Variants in PREX1 observed in about 807,000 individuals in gnomAD.
PREX1 encodes the protein phosphatidylinositol-3,4,5-trisphosphate dependent Rac exchange factor 1.
In PREX1, 41 loss-of-function variants were observed where a neutral mutation model predicts 198.3. That is an observed-to-expected ratio of 0.21 (90% CI 0.16 to 0.27). The LOEUF (loss-of-function observed/expected upper bound fraction) is 0.27, where lower values mean the gene tolerates loss of function less well. Ranked by LOEUF, PREX1 falls within the 10% of genes least tolerant of loss-of-function variation. The pLI is 1.00. For synonymous variants in PREX1, 843 were observed against 887.2 expected, an observed-to-expected ratio of 0.95 and a Z score of 0.89; for missense variants, 1,620 against 2,200.7, an observed-to-expected ratio of 0.74 and a Z score of 5.28.
At position 48,649,492 on chromosome 20, in the gene PREX1, C is replaced by A; in HGVS notation, c.3113G>T (p.Gly1038Val). 1.2e-6 allele frequency: 2 copies of A among 1,614,076 alleles called. No homozygotes were observed. The highest frequency in any genetic ancestry group is 2.2e-5 in the East Asian group (1 of 44,876). Residue 1038 changes from glycine to valine, a missense_variant, in exon 25 of 40, where the codon GGT (glycine) becomes GTT (valine). Gly to Val is a moderately radical substitution (Grantham distance 109). Coordinates refer to ENST00000371941, the MANE Select transcript of PREX1 (RefSeq NM_020820.4). ...ATGGAGACCCTGGCCTTGGGGATCA[C>A]CCTCTGCAGCAGGCAAGCACTTCCA... ...PSWKCLPAAE[G>V]DPQGQGLHDG... is the part of the protein sequence containing the mutation.
chr20:48,822,063 T>C (rs772473468), intron 1 of PREX1: 2 of 152,164 alleles, frequency 1.3e-5, no homozygotes, highest in Non-Finnish European at 2.9e-5. Flanking sequence ...CATATCTTCA[T>C]GGTTTTATCT....
At chr20:48,808,702 T>C (rs2090422455) in intron 1 of PREX1, among the ~76,000 whole-genome samples, 1 of 152,226 alleles carries the variant, frequency 6.6e-6, no homozygotes, top group Non-Finnish European at 1.5e-5. Context: ...CTCAAGGCCC[T>C]GTGCAATCTG....
intron 3 of PREX1, among the ~76,000 whole-genome samples, chr20:48,735,904 C>A (rs2090055297): frequency 6.6e-6 from 1 of 152,074 alleles, no homozygotes; most frequent in Non-Finnish European, 1.5e-5. Context: ...TTTCAAGCCA[C>A]AAATCTAGAC....
intron 23 of PREX1, 90 bp downstream of exon 23, chr20:48,650,804 T>A: frequency 6.7e-7 from 1 of 1,487,798 alleles, no homozygotes; most frequent in Non-Finnish European, 9.2e-7. Context: ...TGAGTTGGGT[T>A]GGGCTTTGTA....
intron 1 of PREX1, among the ~76,000 whole-genome samples, chr20:48,803,720 T>G (rs2090397786): frequency 7.2e-6 from 1 of 138,116 alleles, no homozygotes; most frequent in Admixed American, 7.1e-5. Context: ...AGCCGGCACC[T>G]CACCCCATCT....
intron 9 of PREX1, among the ~76,000 whole-genome samples, chr20:48,689,671 A>G (rs2089806663): frequency 6.6e-6 from 1 of 152,228 alleles, no homozygotes; most frequent in Non-Finnish European, 1.5e-5. Context: ...TCCTGACCAC[A>G]TACTCAGCCC....
At chr20:48,775,119 T>C (rs570486210) in intron 1 of PREX1, among the ~76,000 whole-genome samples, 9 of 152,290 alleles carry the variant, frequency 5.9e-5, no homozygotes, top group Non-Finnish European at 1.2e-4. Context: ...CAGGCACTCA[T>C]TGGTTCTCTC....
the PREX1 span, among the ~76,000 whole-genome samples, chr20:48,860,810 G>A: frequency 6.6e-6 from 1 of 150,958 alleles, no homozygotes; most frequent in South Asian, 2.1e-4. Context: ...ACTCTGGCTG[G>A]GCGACAAAGT....
chr20:48,883,699 C>G, the PREX1 span, among the ~76,000 whole-genome samples: 2 of 152,040 alleles, frequency 1.3e-5, no homozygotes, highest in East Asian at 3.8e-4. Context: ...AAAACTTATG[C>G]TGTGAAGACT....
intron 1 of PREX1, among the ~76,000 whole-genome samples, chr20:48,826,802 T>G (rs1025001567): frequency 1.3e-5 from 2 of 152,086 alleles, no homozygotes; most frequent in Non-Finnish European, 2.9e-5. Context: ...GAGGTTGCAG[T>G]GAACCGAGAT....
At chr20:48,698,191 T>TCAGGGTGCCCACAAGGAAGGCCC (rs2089856480) in intron 7 of PREX1, among the ~76,000 whole-genome samples, 1 of 152,080 alleles carries the variant, frequency 6.6e-6, no homozygotes, top group African/African-American at 2.4e-5. Context: ...TTGAAAGAGC[T>TCAGGGTGCCCACAAGGAAGGCCC]CAGGGTGCCC....
chr20:48,661,911 G>A (rs2122947205), intron 15 of PREX1, among the ~76,000 whole-genome samples: 2 of 152,270 alleles, frequency 1.3e-5, no homozygotes, highest in South Asian at 4.1e-4. Flanking sequence ...GTGGACAAAG[G>A]TGGAAATCAA....
chr20:48,641,987 C>T lies in PREX1; in HGVS notation c.3775+181G>A, dbSNP rs927078265. 5.2e-6 allele frequency: 3 copies of T among 582,384 alleles called. No homozygotes were observed. The Admixed American group carries it at 9.2e-5, about 18-fold the overall frequency. 36.1% of individuals were successfully genotyped at this position (582,384 alleles called of 1,614,324 possible). ...GAAAAAGAAAAAGAACCATTCTTGG[C>T]TCAGAGCCTACAAAAACAGGTCATG... On this transcript the variant is annotated intron_variant, in intron 29 of 39. Coordinates refer to ENST00000371941, the MANE Select transcript of PREX1 (RefSeq NM_020820.4).
chr20:48,861,374 G>A, the PREX1 span, among the ~76,000 whole-genome samples: 3 of 152,280 alleles, frequency 2.0e-5, no homozygotes, highest in South Asian at 2.1e-4. Context: ...TGTCTTGTTC[G>A]GCCATCACAA....
intron 7 of PREX1, among the ~76,000 whole-genome samples, chr20:48,694,154 C>T (rs2089833820): frequency 5.3e-5 from 8 of 152,008 alleles, no homozygotes; most frequent in Admixed American, 5.2e-4. Context: ...TCAAGTTATC[C>T]ACCCCCCTCG....
intron 3 of PREX1, among the ~76,000 whole-genome samples, chr20:48,738,724 G>A (rs1303685181): frequency 1.3e-5 from 2 of 152,092 alleles, no homozygotes; most frequent in African/African-American, 4.8e-5. Flanking sequence ...AGCCAGGGGA[G>A]GGGAGCTCAC....
chr20:48,661,487 TATA>T (rs2089594827), intron 15 of PREX1, among the ~76,000 whole-genome samples: 1 of 107,210 alleles, frequency 9.3e-6, no homozygotes, highest in Middle Eastern at 6.5e-3. Flanking sequence ...ATATATATAA[TATA>T]ATATATAGTA....
the PREX1 span, among the ~76,000 whole-genome samples, chr20:48,873,461 C>T: frequency 6.6e-6 from 1 of 150,942 alleles, no homozygotes; most frequent in Non-Finnish European, 1.5e-5. Flanking sequence ...GTAATCCCAG[C>T]ACTTTGGGAG....
chr20:48,686,655 G>A (rs1027617964), intron 10 of PREX1, among the ~76,000 whole-genome samples: 14 of 152,122 alleles, frequency 9.2e-5, no homozygotes, highest in Non-Finnish European at 1.5e-4. Context: ...AGGCTGCCCC[G>A]CCCCGCCTGC....
Sources: allele counts gnomAD v4.1 joint callset (sites outside exome capture counted in the v4.1 genomes callset), GRCh38; gene constraint gnomAD v4.1.1; transcripts MANE v1.5; gene names NCBI Gene and HGNC (gene_info 2026-07-23, HGNC 2026-07-21).